EBF2: variants seen among roughly 807,000 people sequenced by gnomAD.
EBF2 encodes EBF transcription factor 2.
Under a neutral mutation model 72.8 loss-of-function variants are expected in EBF2, and 21 were observed. The observed-to-expected ratio is 0.29, with a 90% CI of 0.20 to 0.42. EBF2 has a LOEUF of 0.42. Ranked by LOEUF, EBF2 falls within the 10% of genes least tolerant of loss-of-function variation. The pLI is 1.00. For missense variants in EBF2, 637 were observed against 731.2 expected, an observed-to-expected ratio of 0.87 and a Z score of 1.49; for synonymous variants, 299 against 274.2, an observed-to-expected ratio of 1.09 and a Z score of -0.89.
chr8:25,855,403 A>G (rs1019184005), intron 14 of EBF2, among the ~76,000 whole-genome samples: 2 of 152,192 alleles, frequency 1.3e-5, no homozygotes, highest in Non-Finnish European at 2.9e-5. Context: ...AATTGAAAAA[A>G]CATCTGTTTG....
intron 6 of EBF2, among the ~76,000 whole-genome samples, chr8:25,934,756 C>T (rs1251857009): frequency 1.3e-5 from 2 of 152,170 alleles, no homozygotes; most frequent in East Asian, 1.9e-4. Flanking sequence ...TTAGAGCACA[C>T]GTACGTTTGC....
At chr8:25,892,242 A>G (rs1802795312) in intron 7 of EBF2, among the ~76,000 whole-genome samples, 2 of 152,222 alleles carry the variant, frequency 1.3e-5, no homozygotes, top group African/African-American at 4.8e-5. Flanking sequence ...AAAAGTATAT[A>G]AATGTGGCTT....
chr8:25,923,207 C>T (rs58134325), intron 6 of EBF2, among the ~76,000 whole-genome samples: 145 of 152,330 alleles, frequency 9.5e-4, no homozygotes, highest in African/African-American at 3.2e-3. Flanking sequence ...ACATCAGGCT[C>T]TCCCTGGCAA....
intron 10 of EBF2, among the ~76,000 whole-genome samples, chr8:25,882,059 C>A (rs1441351811): frequency 1.3e-5 from 2 of 152,210 alleles, no homozygotes; most frequent in Non-Finnish European, 1.5e-5. Flanking sequence ...TATGAAAGCC[C>A]TCTGTCCTTG....
At chr8:25,892,637 G>T (rs1437813345) in intron 7 of EBF2, among the ~76,000 whole-genome samples, 1 of 152,000 alleles carries the variant, frequency 6.6e-6, no homozygotes, top group African/African-American at 2.4e-5. Flanking sequence ...TAATAGGTTT[G>T]GGAAAATCCC....
At chr8:26,043,121 C>A (rs7828597) in intron 1 of EBF2, among the ~76,000 whole-genome samples, 3,763 of 152,344 alleles carry the variant, frequency 0.025, 166 homozygotes, top group African/African-American at 0.086. Flanking sequence ...AGTTGGGGGA[C>A]CCGGAAGGCG....
intron 6 of EBF2, among the ~76,000 whole-genome samples, chr8:25,950,569 T>G (rs1177110073): frequency 6.6e-6 from 1 of 152,222 alleles, no homozygotes; most frequent in Non-Finnish European, 1.5e-5. Context: ...AGGGAACCAT[T>G]GCTGCACCTA....
At chr8:25,929,276 C>T (rs923377338) in intron 6 of EBF2, among the ~76,000 whole-genome samples, 12 of 152,154 alleles carry the variant, frequency 7.9e-5, no homozygotes, top group East Asian at 5.8e-4. Flanking sequence ...ATGGTGGAGA[C>T]GGGATGTGAA....
chr8:26,034,274 G>T (rs566769521), intron 5 of EBF2, among the ~76,000 whole-genome samples: 12 of 152,316 alleles, frequency 7.9e-5, no homozygotes, highest in Admixed American at 7.8e-4. Context: ...GCAAGGAGCT[G>T]TTGGATGGTA....
At chr8:25,991,828 A>G (rs1292485888) in intron 6 of EBF2, among the ~76,000 whole-genome samples, 4 of 151,818 alleles carry the variant, frequency 2.6e-5, no homozygotes, top group Non-Finnish European at 5.9e-5. Flanking sequence ...CCTGAGCAAC[A>G]AGAGTGAGAC....
At chr8:25,881,927 C>A (rs1433727109) in intron 10 of EBF2, among the ~76,000 whole-genome samples, 1 of 152,182 alleles carries the variant, frequency 6.6e-6, no homozygotes, top group African/African-American at 2.4e-5. Flanking sequence ...CCGGGGAAAA[C>A]CATCTCCCTT....
chr8:25,892,380 C>T (rs1419996336), intron 7 of EBF2, among the ~76,000 whole-genome samples: 2 of 152,168 alleles, frequency 1.3e-5, no homozygotes, highest in Non-Finnish European at 2.9e-5. Context: ...CCCTACTCAA[C>T]AATGATAATA....
intron 10 of EBF2, among the ~76,000 whole-genome samples, chr8:25,884,459 G>A (rs939691340): frequency 6.6e-6 from 1 of 152,122 alleles, no homozygotes; most frequent in African/African-American, 2.4e-5. Context: ...TTCGCTCCAT[G>A]TCCCCTCTTC....
At chr8:26,035,105 G>T (rs544343476) in intron 5 of EBF2, among the ~76,000 whole-genome samples, 1 of 151,854 alleles carries the variant, frequency 6.6e-6, no homozygotes, top group South Asian at 2.1e-4. Flanking sequence ...TCATGTGACA[G>T]CAGGAACCCA....
intron 6 of EBF2, among the ~76,000 whole-genome samples, chr8:25,971,499 G>C (rs372404574): frequency 6.6e-6 from 1 of 152,118 alleles, no homozygotes; most frequent in African/African-American, 2.4e-5. Context: ...GCCAAGCACC[G>C]CGCTCTGGGT....
chr8:26,001,930 G>A (rs1259689019), intron 6 of EBF2, among the ~76,000 whole-genome samples: 2 of 152,150 alleles, frequency 1.3e-5, no homozygotes, highest in Non-Finnish European at 2.9e-5. Flanking sequence ...TAATGATGCT[G>A]CTCACATAGG....
chr8:25,948,683 G>T (rs1019483804), intron 6 of EBF2, among the ~76,000 whole-genome samples: 1 of 152,180 alleles, frequency 6.6e-6, no homozygotes, highest in South Asian at 2.1e-4. Flanking sequence ...TAAAGTAAAG[G>T]AAACAGTGGT....
chr8:25,846,661 C>T (rs1427730684), intron 15 of EBF2, among the ~76,000 whole-genome samples: 1 of 152,150 alleles, frequency 6.6e-6, no homozygotes. Context: ...TATACTACAA[C>T]CTGTGTGACA....
chr8:25,997,304 C>T (rs978687811), intron 6 of EBF2, among the ~76,000 whole-genome samples: 1 of 152,190 alleles, frequency 6.6e-6, no homozygotes, highest in Non-Finnish European at 1.5e-5. Context: ...GGCATTGTGG[C>T]TCACACTTGT....
Sources: allele counts gnomAD v4.1 joint callset (sites outside exome capture counted in the v4.1 genomes callset), GRCh38; gene constraint gnomAD v4.1.1; transcripts MANE v1.5; gene names NCBI Gene and HGNC (gene_info 2026-07-23, HGNC 2026-07-21).